The following DDX19B variants were observed in gnomAD, a reference collection of about 807,000 sequenced individuals.
DDX19B encodes the protein ATP-dependent RNA helicase DDX19B.
DDX19B carries 27 observed loss-of-function variants against 58.1 expected under a neutral mutation model. The observed-to-expected ratio is 0.46, with a 90% CI of 0.34 to 0.64. DDX19B has a LOEUF of 0.64. DDX19B is among the 30% of genes least tolerant of loss of function. The pLI, the probability that DDX19B is intolerant of heterozygous loss-of-function variation, is 0.01. For synonymous variants in DDX19B, 187 were observed against 214.4 expected (o/e 0.87, Z 1.12); for missense variants, 399 against 596.5 (o/e 0.67, Z 3.45).
intron 3 of DDX19B, chr16:70,315,760 G>A (rs754632716): frequency 1.2e-5 from 7 of 586,316 alleles, no homozygotes; most frequent in Admixed American, 6.6e-5. Flanking sequence ...AATAGAGTCT[G>A]GAAAAGAATA....
intron 1 of DDX19B, among the ~76,000 whole-genome samples, chr16:70,303,882 T>C (rs1961602354): frequency 6.6e-6 from 1 of 151,540 alleles, no homozygotes; most frequent in South Asian, 2.1e-4. Context: ...TTTAGATGAT[T>C]AGTTCTTTTT....
chr16:70,302,563 T>G (rs1043365347), intron 1 of DDX19B, among the ~76,000 whole-genome samples: 1 of 152,234 alleles, frequency 6.6e-6, no homozygotes, highest in African/African-American at 2.4e-5. Flanking sequence ...CCAAGTTGCA[T>G]GTATCAGTAG....
chr16:70,303,932 T>A (rs927566522), intron 1 of DDX19B, among the ~76,000 whole-genome samples: 5 of 152,172 alleles, frequency 3.3e-5, no homozygotes, highest in Admixed American at 6.6e-5. Flanking sequence ...CCACAAAGAT[T>A]TTCTCCTGTG....
chr16:70,305,885 C>T (rs1053896098), intron 1 of DDX19B, among the ~76,000 whole-genome samples: 3 of 152,034 alleles, frequency 2.0e-5, no homozygotes, highest in Admixed American at 6.6e-5. Flanking sequence ...CTCAGCTTCC[C>T]GAGTAGCTGG....
At chr16:70,316,919 A>C (rs936356417) in intron 4 of DDX19B, among the ~76,000 whole-genome samples, 3 of 151,854 alleles carry the variant, frequency 2.0e-5, no homozygotes, top group Non-Finnish European at 4.4e-5. Context: ...GAAAATACAA[A>C]AATTAGTCCA....
chr16:70,318,255 T>A (rs1228329482), intron 5 of DDX19B, among the ~76,000 whole-genome samples: 1 of 149,824 alleles, frequency 6.7e-6, no homozygotes, highest in East Asian at 2.0e-4. Context: ...GCTCCTGTAG[T>A]CCCAGCTACT....
chr16:70,301,574 A>C (rs886496532), intron 1 of DDX19B, among the ~76,000 whole-genome samples: 1 of 150,716 alleles, frequency 6.6e-6, no homozygotes, highest in African/African-American at 2.4e-5. Context: ...AATCTGAAAA[A>C]CTCTTGTTCT....
chr16:70,332,965 C>T lies in DDX19B; in HGVS notation c.1187-3C>T, dbSNP rs1476770540. 6.2e-7 allele frequency: 1 copy of T among 1,613,848 alleles called. No individual in the cohort carries two copies. Among genetic ancestry groups the T allele is most frequent in the Admixed American group, 1.7e-5 (1 of 59,970 alleles). On this transcript the variant is annotated splice_region_variant and splice_polypyrimidine_tract_variant and intron_variant, in intron 10 of 11. Coordinates refer to ENST00000288071, the MANE Select transcript of DDX19B (RefSeq NM_007242.7). ...TCTCAGCCTCCAACTCTCCTTCCTG[C>T]AGGCATTGATGTTGAACAAGTGTCT...
At chr16:70,325,969 T>C (rs575850574) in intron 7 of DDX19B, among the ~76,000 whole-genome samples, 1 of 152,330 alleles carries the variant, frequency 6.6e-6, no homozygotes, top group African/African-American at 2.4e-5. Context: ...TTTCCTAGAA[T>C]AACTAATACC....
upstream of DDX19B, among the ~76,000 whole-genome samples, chr16:70,294,480 C>G (rs1961147866): frequency 1.3e-5 from 2 of 152,168 alleles, no homozygotes; most frequent in African/African-American, 4.8e-5. Context: ...GCGTCTGCAC[C>G]TATTTGTTCA....
intron 1 of DDX19B, among the ~76,000 whole-genome samples, 158 bp downstream of exon 1, chr16:70,299,512 C>T (rs187512241): frequency 2.0e-5 from 3 of 152,202 alleles, no homozygotes; most frequent in Non-Finnish European, 4.4e-5. Context: ...TTTACGCAGC[C>T]GCCTCCGCGT....
chr16:70,294,725 C>T (rs1961157291), upstream of DDX19B: 10 of 751,360 alleles, frequency 1.3e-5, no homozygotes, highest in South Asian at 2.2e-4. Context: ...CGTGCCCGAG[C>T]GCTGTACCGT....
At chr16:70,303,050 C>T (rs1961560028) in intron 1 of DDX19B, among the ~76,000 whole-genome samples, 1 of 152,140 alleles carries the variant, frequency 6.6e-6, no homozygotes, top group South Asian at 2.1e-4. Context: ...GCTTTTCAAA[C>T]CTTTTGCCCA....
chr16:70,315,010 G>A, intron 3 of DDX19B, 55 bp downstream of exon 3: 1 of 1,568,158 alleles, frequency 6.4e-7, no homozygotes, highest in South Asian at 1.1e-5. Context: ...CTAAGAAAGT[G>A]GATTGTTATG....
intron 9 of DDX19B, among the ~76,000 whole-genome samples, 176 bp downstream of exon 9, chr16:70,330,244 G>A (rs181908152): frequency 2.6e-5 from 4 of 152,244 alleles, no homozygotes; most frequent in African/African-American, 4.8e-5. Flanking sequence ...TGATTACTTG[G>A]AGAAAACCCC....
At chr16:70,289,779 C>T (rs1428509520), upstream of DDX19B, 2 of 438,016 alleles carry the variant, frequency 4.6e-6, no homozygotes, top group South Asian at 1.6e-5. Context: ...CCCCGGCTCC[C>T]GGAGGTCGAC....
intron 1 of DDX19B, among the ~76,000 whole-genome samples, chr16:70,303,360 C>G (rs1018829047): frequency 6.6e-6 from 1 of 152,156 alleles, no homozygotes; most frequent in Non-Finnish European, 1.5e-5. Flanking sequence ...GTTGCCCAGG[C>G]TGGTCTTGGA....
At chr16:70,315,141 C>T (rs904493742) in intron 3 of DDX19B, among the ~76,000 whole-genome samples, 186 bp downstream of exon 3, 3 of 151,476 alleles carry the variant, frequency 2.0e-5, no homozygotes, top group Admixed American at 6.6e-5. Flanking sequence ...CTTTGGGAGG[C>T]CGAGGTGGGC....
upstream of DDX19B, chr16:70,294,798 G>T (rs954534228): frequency 9.9e-6 from 14 of 1,409,800 alleles, no homozygotes; most frequent in Middle Eastern, 3.6e-4. Flanking sequence ...GGCTTGGCCA[G>T]TGCCAAGAGC....
Sources: allele counts gnomAD v4.1 joint callset (sites outside exome capture counted in the v4.1 genomes callset), GRCh38; gene constraint gnomAD v4.1.1; transcripts MANE v1.5; gene names NCBI Gene and HGNC (gene_info 2026-07-23, HGNC 2026-07-21).